Variants in FRK observed in about 807,000 individuals in gnomAD.
The protein encoded by FRK is fyn related Src family tyrosine kinase, also known as tyrosine-protein kinase FRK.
FRK carries 51 observed loss-of-function variants against 56.4 expected under a neutral mutation model. The observed-to-expected ratio is 0.90, with a 90% CI of 0.72 to 1.14. The LOEUF (loss-of-function observed/expected upper bound fraction) is 1.14. FRK is among the 50% of genes most tolerant of loss of function. The probability of loss-of-function intolerance (pLI) is 0.00; values close to 1 mark genes in which losing one functional copy is unlikely to be tolerated. For synonymous variants in FRK, 245 were observed against 217.9 expected (o/e 1.12, Z -1.10); for missense variants, 570 against 601.4 (o/e 0.95, Z 0.55).
intron 4 of FRK, among the ~76,000 whole-genome samples, chr6:115,965,646 A>G (rs1266132462): frequency 0.21 from 185 of 894 alleles, 30 homozygotes; most frequent in Non-Finnish European, 0.31. Context: ...ACTTGGAACC[A>G]ACCCAAATGT....
chr6:116,076,231 T>G, the FRK span, among the ~76,000 whole-genome samples: 1 of 152,188 alleles, frequency 6.6e-6, no homozygotes, highest in Non-Finnish European at 1.5e-5. Context: ...AATTATTCAT[T>G]TTTTTCTTAC....
intron 2 of FRK, among the ~76,000 whole-genome samples, chr6:115,996,122 A>G (rs1032182603): frequency 2.6e-5 from 4 of 152,192 alleles, no homozygotes; most frequent in African/African-American, 4.8e-5. Flanking sequence ...GTTTCATTGC[A>G]TAATAAATTC....
chr6:116,050,635 C>G (rs554545970), intron 1 of FRK, among the ~76,000 whole-genome samples: 1 of 152,250 alleles, frequency 6.6e-6, no homozygotes, highest in East Asian at 1.9e-4. Flanking sequence ...TGACAAAGGG[C>G]ATTGTCACAA....
rs1772111822 is a variant in FRK, at chr6:115,939,315, G to A, written c.*3099C>T. ...ATACTAAAAACTCTCAATAAACTAG[G>A]TATTGATGGAACGTAGCTCAAAAAA... On this transcript the variant is annotated 3_prime_UTR_variant, in exon 8 of 8. Coordinates refer to ENST00000606080, the MANE Select transcript of FRK (RefSeq NM_002031.3). 1 of 151,992 alleles carries A rather than the reference G, an allele frequency of 6.6e-6. No homozygotes were observed. Among genetic ancestry groups the A allele is most frequent in the Non-Finnish European group, 1.5e-5 (1 of 68,018 alleles). 9.4% of individuals were successfully genotyped at this position (151,992 alleles called of 1,614,324 possible).
rs188896494 is a variant in FRK, at chr6:116,005,423, C to T, written c.345-1425G>A. 9.3e-4 allele frequency among the ~76,000 whole-genome samples: 142 copies of T among 152,264 alleles called. 2 individuals are homozygous for T. The highest frequency in any genetic ancestry group is 3.3e-3 in the African/African-American group (138 of 41,570). ...GCCAGGATTGGAAAATGTGGCGAAT[C>T]GCAGGCTGGTTCCTAGAGCTTCTAT... On this transcript the variant is annotated intron_variant, in intron 1 of 7. Transcript: ENST00000606080.
At chr6:116,036,271 CT>C in intron 1 of FRK, among the ~76,000 whole-genome samples, 1 of 152,272 alleles carries the variant, frequency 6.6e-6, no homozygotes, top group Middle Eastern at 3.4e-3. Flanking sequence ...TCAGCAGTGT[CT>C]GATATCTGTT....
chr6:116,041,179 A>C (rs1247389745), intron 1 of FRK, among the ~76,000 whole-genome samples: 2 of 152,234 alleles, frequency 1.3e-5, no homozygotes, highest in Admixed American at 6.5e-5. Flanking sequence ...TTCATCATCA[A>C]AACCAGTACC....
the FRK span, among the ~76,000 whole-genome samples, chr6:116,091,462 G>A: frequency 1.3e-4 from 20 of 152,072 alleles, no homozygotes; most frequent in African/African-American, 3.9e-4. Flanking sequence ...TTGGGTCTGC[G>A]CCACCTTTAA....
In FRK at chr6:115,994,335, C is replaced by A. The variant is rs1300858032; in HGVS notation, c.466+9542G>T. ...AGAATCTCACAACCTCCCCCCCCCC[C>A]GCCTTTTTTTTGTCATTATACTCAT... is the stretch of plus-strand genomic sequence containing the variant. On this transcript the variant is annotated intron_variant, in intron 2 of 7. Coordinates refer to ENST00000606080, the MANE Select transcript of FRK (RefSeq NM_002031.3). 3.0e-4 allele frequency among the ~76,000 whole-genome samples: 30 copies of A among 99,666 alleles called. 6 individuals are homozygous for A. Among genetic ancestry groups the A allele is most frequent in the Middle Eastern group, 5.4e-3 (1 of 184 alleles). 65.4% of individuals were successfully genotyped at this position (99,666 alleles called of 152,430 possible).
intron 2 of FRK, among the ~76,000 whole-genome samples, chr6:115,970,342 A>AAAAGT (rs1165041792): frequency 2.0e-5 from 3 of 152,226 alleles, no homozygotes; most frequent in Non-Finnish European, 2.9e-5. Flanking sequence ...TAAAATCAAT[A>AAAAGT]AAAGTGCACA....
At chr6:116,022,457 T>C (rs1717175616) in intron 1 of FRK, among the ~76,000 whole-genome samples, 1 of 152,154 alleles carries the variant, frequency 6.6e-6, no homozygotes, top group Non-Finnish European at 1.5e-5. Context: ...TCATCAAAAA[T>C]ATATCACAAC....
At chr6:115,953,075 T>G (rs1404567690) in intron 5 of FRK, among the ~76,000 whole-genome samples, 3 of 145,620 alleles carry the variant, frequency 2.1e-5, no homozygotes, top group Non-Finnish European at 4.5e-5. Flanking sequence ...AGTATAATAA[T>G]AATAAAATAA....
At chr6:115,966,963 T>TA (rs1430002423) in intron 4 of FRK, among the ~76,000 whole-genome samples, 1 of 70,678 alleles carries the variant, frequency 1.4e-5, no homozygotes, top group East Asian at 1.5e-3. Context: ...CTCAAGATCA[T>TA]ATGACCAGAA....
At chr6:115,944,965 T>C (rs1319837618) in intron 5 of FRK, among the ~76,000 whole-genome samples, 1 of 152,136 alleles carries the variant, frequency 6.6e-6, no homozygotes, top group Non-Finnish European at 1.5e-5. Context: ...GAACATGTGG[T>C]ATTTGCTTTT....
intron 5 of FRK, among the ~76,000 whole-genome samples, chr6:115,954,743 G>A (rs907073476): frequency 2.0e-5 from 3 of 152,012 alleles, no homozygotes; most frequent in African/African-American, 4.8e-5. Flanking sequence ...TTAGAGAATT[G>A]TACTTCCCTA....
Position 115,973,872 on chromosome 6 carries a change from GAAA to G in FRK, c.467-5136_467-5134del, listed in dbSNP as rs34745163. ...GGCAACAGAGCGAGACACAGTCTCA[GAAA>G]AAAAAAAAAAAGCCAACAAAAAGTC... On this transcript the variant is annotated intron_variant, in intron 2 of 7. Transcript: ENST00000606080. 2.5e-4 allele frequency among the ~76,000 whole-genome samples: 34 copies of G among 137,620 alleles called. 1 individual carries two copies. In the South Asian group the frequency reaches 7.4e-3, roughly 30 times the overall value. 90.3% of individuals were successfully genotyped at this position (137,620 alleles called of 152,430 possible). A position where few individuals can be genotyped will look rare whatever the true frequency, so the allele number is the denominator to read the frequency against.
Position 115,944,281 on chromosome 6 carries a change from T to C in FRK, c.1103A>G (p.Tyr368Cys). The C allele has an allele frequency of 1.2e-6, 2 of 1,611,958 alleles. No homozygotes were observed. The highest frequency in any genetic ancestry group is 1.7e-6 in the Non-Finnish European group (2 of 1,179,408). Residue 368 changes from tyrosine (Y) to cysteine (C), a missense_variant, in exon 6 of 8, where the codon TAC becomes TGC. Coordinates refer to ENST00000606080, the MANE Select transcript of FRK (RefSeq NM_002031.3). ...GGCAAGTCCAAAATCTGCTACTTTG[T>C]AGATATTATGTTCACCAACGAGGAC... is the stretch of plus-strand genomic sequence containing the variant. ...RNVLVGEHNI[Y>C]KVADFGLARV...
At chr6:116,091,601 CAGTG>C in the FRK span, among the ~76,000 whole-genome samples, 1 of 152,202 alleles carries the variant, frequency 6.6e-6, no homozygotes. Flanking sequence ...TATCACCAAG[CAGTG>C]AGTACCATCG....
intron 1 of FRK, among the ~76,000 whole-genome samples, chr6:116,022,010 ATATAT>A (rs1460024755): frequency 6.6e-6 from 1 of 152,010 alleles, no homozygotes; most frequent in African/African-American, 2.4e-5. Context: ...AGATTCTCAC[ATATAT>A]TAAATTAATA....
Sources: allele counts gnomAD v4.1 joint callset (sites outside exome capture counted in the v4.1 genomes callset), GRCh38; gene constraint gnomAD v4.1.1; transcripts MANE v1.5; gene names NCBI Gene and HGNC (gene_info 2026-07-23, HGNC 2026-07-21).